ABRACL: variants seen among roughly 807,000 people sequenced by gnomAD.
ABRACL encodes ABRA C-terminal like.
Under a neutral mutation model 7.0 loss-of-function variants are expected in ABRACL, and 4 were observed. That is an observed-to-expected ratio of 0.57 (90% CI 0.28 to 1.30). The LOEUF (loss-of-function observed/expected upper bound fraction) is 1.30. Among genes scored for constraint, ABRACL ranks in the 50% most tolerant of loss-of-function variants. ABRACL has a pLI of 0.10. For synonymous variants in ABRACL, 30 were observed against 36.0 expected, an observed-to-expected ratio of 0.83 and a Z score of 0.60; for missense variants, 104 against 97.3, an observed-to-expected ratio of 1.07 and a Z score of -0.29.
chr6:139,039,377 T>C (rs1360277655), intron 2 of ABRACL, among the ~76,000 whole-genome samples: 1 of 152,228 alleles, frequency 6.6e-6, no homozygotes, highest in Non-Finnish European at 1.5e-5. Context: ...AAGTGAATTT[T>C]AATGACTGTA....
At chr6:139,034,898 G>A (rs575744650) in intron 2 of ABRACL, among the ~76,000 whole-genome samples, 2 of 152,056 alleles carry the variant, frequency 1.3e-5, no homozygotes, top group South Asian at 4.1e-4. Context: ...TTATACTTGC[G>A]GCTTTAGGTA....
intron 2 of ABRACL, among the ~76,000 whole-genome samples, chr6:139,037,599 C>T (rs1786181307): frequency 1.3e-5 from 2 of 151,942 alleles, no homozygotes; most frequent in South Asian, 2.1e-4. Flanking sequence ...AATCAACAGT[C>T]TTCCCTAACT....
At chr6:139,029,903 C>T (rs1408130617) in intron 1 of ABRACL, among the ~76,000 whole-genome samples, 2 of 152,168 alleles carry the variant, frequency 1.3e-5, no homozygotes, top group African/African-American at 4.8e-5. Context: ...TGAAAAATAA[C>T]AATGCCCTGA....
chr6:139,031,857 G>T (rs1186971304), intron 1 of ABRACL, among the ~76,000 whole-genome samples: 1 of 152,152 alleles, frequency 6.6e-6, no homozygotes, highest in African/African-American at 2.4e-5. Flanking sequence ...GGAGGGAAAG[G>T]CTTTATCCAA....
intron 2 of ABRACL, 95 bp from the exon 3 acceptor site, chr6:139,042,624 A>T (rs1316985826): frequency 1.6e-6 from 2 of 1,215,890 alleles, no homozygotes; most frequent in African/African-American, 3.1e-5. Flanking sequence ...TGGATAGCCC[A>T]TAGTTATAAA....
chr6:139,032,186 G>C (rs1441459390), intron 1 of ABRACL, among the ~76,000 whole-genome samples: 1 of 151,892 alleles, frequency 6.6e-6, no homozygotes, highest in Non-Finnish European at 1.5e-5. Flanking sequence ...GGATGGTCTC[G>C]ATCTCCTGAC....
At chr6:139,040,218 G>T (rs1786224638) in intron 2 of ABRACL, among the ~76,000 whole-genome samples, 1 of 152,216 alleles carries the variant, frequency 6.6e-6, no homozygotes, top group African/African-American at 2.4e-5. Flanking sequence ...GGGCAAAAAT[G>T]CAGAAAAGGA....
In ABRACL at chr6:139,041,425, A is replaced by ATC. The variant is rs72110050; in HGVS notation, c.62-1268_62-1267dup. On this transcript the variant is annotated intron_variant, in intron 2 of 2. Transcript: ENST00000367660. ...ATCACAGGTGCATTCCACCAGACCC[A>ATC]TCTCTCTCTCTCTCTCTCTCTCTCT... 7.5e-4 allele frequency among the ~76,000 whole-genome samples: 88 copies of ATC among 117,240 alleles called. 1 individual carries two copies. Among genetic ancestry groups the ATC allele is most frequent in the African/African-American group, 2.3e-3 (67 of 29,122 alleles). The allele number at this position is 117,240 out of a possible 152,430, so 76.9% of individuals were successfully genotyped here.
intron 1 of ABRACL, among the ~76,000 whole-genome samples, chr6:139,029,769 A>G (rs9389649): frequency 0.47 from 71,132 of 151,952 alleles, 16,706 homozygotes; most frequent in Middle Eastern, 0.54. Context: ...GATTGCGAAG[A>G]AGGGCTGGGA....
At chr6:139,034,052 A>T in intron 1 of ABRACL, 103 bp from the exon 2 acceptor site, 2 of 1,420,912 alleles carry the variant, frequency 1.4e-6, no homozygotes, top group Non-Finnish European at 1.9e-6. Context: ...TGGTAAATTA[A>T]TAGTGACAGA....
chr6:139,029,549 C>T (rs1178449488), intron 1 of ABRACL, among the ~76,000 whole-genome samples: 1 of 152,124 alleles, frequency 6.6e-6, no homozygotes, highest in Non-Finnish European at 1.5e-5. Context: ...GCCGCCCCGC[C>T]ACGGGGGGCC....
At chr6:139,035,250 A>G (rs753220449) in intron 2 of ABRACL, among the ~76,000 whole-genome samples, 9 of 152,212 alleles carry the variant, frequency 5.9e-5, no homozygotes, top group Non-Finnish European at 1.3e-4. Flanking sequence ...ATGTAAAACA[A>G]CACATTTAAT....
rs144355709 is a variant in ABRACL, at chr6:139,041,529, A to ATT, written c.62-1189_62-1188insTT. On this transcript the variant is annotated intron_variant, in intron 2 of 2. Coordinates refer to ENST00000367660, the MANE Select transcript of ABRACL (RefSeq NM_021243.3). ...TGTGTGTGTGTATATATATATATATATATTTTTTTTTAGGAGAGACATGGT... is the reference window on the plus strand; with the variant it reads ...TGTGTGTGTGTATATATATATATATATTTATTTTTTTTTAGGAGAGACATGGT... Among the ~76,000 whole-genome samples, 110 of 85,626 alleles carry ATT rather than the reference A, an allele frequency of 1.3e-3. 3 individuals carry two copies. Among genetic ancestry groups the ATT allele is most frequent in the African/African-American group, 4.7e-3 (78 of 16,608 alleles). 56.2% of individuals were successfully genotyped at this position (85,626 alleles called of 152,430 possible).
chr6:139,036,193 G>A (rs969508181), intron 2 of ABRACL, among the ~76,000 whole-genome samples: 3 of 151,592 alleles, frequency 2.0e-5, no homozygotes, highest in Admixed American at 6.6e-5. Context: ...CACCTGCCTC[G>A]GCCTCCCAAA....
intron 1 of ABRACL, among the ~76,000 whole-genome samples, chr6:139,032,838 TC>T (rs1210839265): frequency 1.3e-5 from 2 of 152,262 alleles, no homozygotes; most frequent in African/African-American, 4.8e-5. Context: ...CTTTGCGTGT[TC>T]TTTTCAGTTC....
rs1310043188 is a variant in ABRACL at position 139,034,155 on chromosome 6, G to A, written c.-6G>A. ...TAGACTTCCTTTTTTTCTCTCCCAG[G>A]CAGCAATGAATGTGGATCACGAGGT... On this transcript the variant is annotated splice_region_variant and 5_prime_UTR_variant, in exon 2 of 3. Coordinates refer to ENST00000367660, the MANE Select transcript of ABRACL (RefSeq NM_021243.3). The A allele has an allele frequency of 1.9e-6, 3 of 1,614,038 alleles. No individual in the cohort carries two copies. The highest frequency in any genetic ancestry group is 1.7e-6 in the Non-Finnish European group (2 of 1,180,034).
Position 139,042,863 on chromosome 6 carries a change from G to A in ABRACL, c.206G>A (p.Gly69Asp), listed in dbSNP as rs376913110. 2.5e-5 allele frequency: 41 copies of A among 1,613,596 alleles called. No individual in the cohort carries two copies. The highest frequency in any genetic ancestry group is 3.4e-5 in the Non-Finnish European group (40 of 1,179,842). Residue 69 changes from glycine (G) to aspartate (D), a missense_variant, in exon 3 of 3, where the codon GGT (glycine) becomes GAT (aspartate). Transcript: ENST00000367660. The part of the protein sequence containing the change: ...VTYPGELLLQ[G>D]VHDDVDIILL... Reference sequence around the variant, plus strand: ...TATCCAGGAGAGCTGCTTCTGCAAGGTGTTCATGATGATGTTGACATTATA... The same window carrying A: ...TATCCAGGAGAGCTGCTTCTGCAAGATGTTCATGATGATGTTGACATTATA...
intron 2 of ABRACL, among the ~76,000 whole-genome samples, chr6:139,035,346 G>A (rs918379073): frequency 2.0e-5 from 3 of 152,200 alleles, no homozygotes; most frequent in Non-Finnish European, 2.9e-5. Context: ...CTTTCTATAG[G>A]TTCCAGGAGG....
At position 139,031,315 on chromosome 6, in the gene ABRACL, C is replaced by G. The variant is rs139730058; in HGVS notation, c.-7+2440C>G. ...ATTGCTAGATAACTTTTTTATATGGCTCTCAAATCTGCCTTTCTATTACAC... is the reference window on the plus strand; with the variant it reads ...ATTGCTAGATAACTTTTTTATATGGGTCTCAAATCTGCCTTTCTATTACAC... On this transcript the variant is annotated intron_variant, in intron 1 of 2. Coordinates refer to ENST00000367660, the MANE Select transcript of ABRACL (RefSeq NM_021243.3). Among the ~76,000 whole-genome samples the G allele has an allele frequency of 1.2e-3, 187 of 152,268 alleles. 1 individual carries two copies. Among genetic ancestry groups the G allele is most frequent in the African/African-American group, 4.1e-3 (171 of 41,552 alleles).
Sources: gnomAD v4.1 joint callset for allele counts (sites outside exome capture counted in the v4.1 genomes callset) on GRCh38, gnomAD v4.1.1 for gene constraint, MANE v1.5 for transcripts, NCBI Gene and HGNC (gene_info 2026-07-23, HGNC 2026-07-21) for gene names.